RADX: variants seen among roughly 807,000 people sequenced by gnomAD.
RADX encodes RPA1 related single stranded DNA binding protein, X-linked.
A neutral mutation model predicts 61.6 loss-of-function variants in RADX; 36 were observed. The observed-to-expected ratio is 0.58, with a 90% CI of 0.45 to 0.77. RADX has a LOEUF of 0.77. Among genes scored for constraint, RADX ranks in the 30% least tolerant of loss-of-function variants. The pLI, the probability that RADX is intolerant of heterozygous loss-of-function variation, is 0.00. For synonymous variants in RADX, 272 were observed against 237.9 expected, an observed-to-expected ratio of 1.14 and a Z score of -1.32; for missense variants, 497 against 651.1, an observed-to-expected ratio of 0.76 and a Z score of 2.58.
At chrX:106,655,906 G>A (rs775566459) in intron 11 of RADX, among the ~76,000 whole-genome samples, 2 of 111,831 alleles carry the variant, frequency 1.8e-5, no homozygotes, top group East Asian at 5.7e-4. Flanking sequence ...AGATCCCTGA[G>A]GAATCGGCTT....
rs199972514 is a variant in RADX at position 106,669,154 on chromosome X, C to T, written c.2270-9C>T. 138 of 1,197,871 alleles carry T rather than the reference C, an allele frequency of 1.2e-4. 1 individual carries two copies. The highest frequency in any genetic ancestry group is 3.5e-5 in the African/African-American group (2 of 56,922). On this transcript the variant is annotated splice_polypyrimidine_tract_variant and intron_variant, in intron 12 of 13. Transcript: ENST00000372548. ...GAACTTTTAATAATGTGTGAACTTT[C>T]TTTAACAGGTCTGAACCATGAGATA...
At chrX:106,614,853 T>TA (rs1410772568) in intron 1 of RADX, among the ~76,000 whole-genome samples, 1,892 of 104,797 alleles carry the variant, frequency 0.018, 20 homozygotes, top group Non-Finnish European at 0.026. Context: ...TTGTACACAG[T>TA]AAAAAAAAAA....
intron 1 of RADX, among the ~76,000 whole-genome samples, chrX:106,617,020 GTT>G (rs60413185): frequency 0.024 from 1,331 of 54,377 alleles, 11 homozygotes; most frequent in African/African-American, 0.11. Context: ...GTGTGTGTGG[GTT>G]TTTTTTTTTT....
At chrX:106,639,911 G>T (rs1232225649) in intron 9 of RADX, 2 of 213,487 alleles carry the variant, frequency 9.4e-6, no homozygotes, top group Non-Finnish European at 8.5e-6. Flanking sequence ...TTACTTTTTT[G>T]TTTGTTTCCT....
intron 12 of RADX, among the ~76,000 whole-genome samples, chrX:106,664,127 G>C (rs1365574): frequency 9.0e-6 from 1 of 110,622 alleles, no homozygotes; most frequent in East Asian, 2.8e-4. Context: ...TAAAGGAAGC[G>C]CAAAAGTAGG....
chrX:106,630,525 A>G (rs1927191009), intron 3 of RADX, among the ~76,000 whole-genome samples: 1 of 111,504 alleles, frequency 9.0e-6, no homozygotes, highest in East Asian at 2.8e-4. Flanking sequence ...GTGAGAAGAC[A>G]AAATGAATTA....
At chrX:106,656,218 A>G (rs751702427) in intron 11 of RADX, among the ~76,000 whole-genome samples, 37 of 112,399 alleles carry the variant, frequency 3.3e-4, no homozygotes, top group African/African-American at 1.1e-3. Flanking sequence ...CTCTTCGTCC[A>G]TTCAAGTTTT....
chrX:106,672,328 C>G (rs1928385424), intron 13 of RADX, among the ~76,000 whole-genome samples: 1 of 111,817 alleles, frequency 8.9e-6, no homozygotes, highest in Non-Finnish European at 1.9e-5. Context: ...TGGGTAACAG[C>G]TATTCCACTT....
chrX:106,623,243 A>G (rs62603152), intron 2 of RADX, among the ~76,000 whole-genome samples: 21,636 of 110,853 alleles, frequency 0.2, 2,017 homozygotes, highest in Middle Eastern at 0.33. Flanking sequence ...TTCTCAACAC[A>G]GTTAGCTTGG....
intron 12 of RADX, among the ~76,000 whole-genome samples, chrX:106,663,264 C>G (rs1928148163): frequency 9.0e-6 from 1 of 111,420 alleles, no homozygotes; most frequent in African/African-American, 3.3e-5. Context: ...CTTTTATTCT[C>G]TCCCAATCCC....
At chrX:106,635,145 T>C (rs1285431624) in intron 6 of RADX, among the ~76,000 whole-genome samples, 1 of 111,822 alleles carries the variant, frequency 8.9e-6, no homozygotes, top group Non-Finnish European at 1.9e-5. Context: ...TATGACTTTT[T>C]TTTTCATAAG....
chrX:106,655,867 T>A (rs1927928481), intron 11 of RADX, among the ~76,000 whole-genome samples: 2 of 111,901 alleles, frequency 1.8e-5, no homozygotes, highest in Non-Finnish European at 3.8e-5. Context: ...AGAAATGGGA[T>A]GGCTGGGTCA....
At chrX:106,621,587 G>T (rs1343054519) in intron 1 of RADX, among the ~76,000 whole-genome samples, 2 of 111,960 alleles carry the variant, frequency 1.8e-5, no homozygotes, top group African/African-American at 3.2e-5. Context: ...AGCAGTTTTT[G>T]AACTTGCCAG....
chrX:106,632,775 AGT>A (rs1240262439), intron 4 of RADX, 42 bp downstream of exon 4: 2 of 999,303 alleles, frequency 2.0e-6, no homozygotes, highest in African/African-American at 3.8e-5. Flanking sequence ...ATTAATCTTC[AGT>A]CTTGGTTACT....
chrX:106,622,508 A>G (rs1265951384), intron 1 of RADX, 143 bp from the exon 2 acceptor site: 1 of 472,919 alleles, frequency 2.1e-6, no homozygotes, highest in African/African-American at 2.5e-5. Context: ...TATGAGAGGT[A>G]ATAGACTTAG....
chrX:106,629,621 A>G (rs1927161242), intron 3 of RADX, among the ~76,000 whole-genome samples: 1 of 112,036 alleles, frequency 8.9e-6, no homozygotes. Context: ...TTTAGGGAAT[A>G]TATCATTCTA....
At position 106,617,020 on chromosome X, in the gene RADX, GTTTTT is replaced by G. The variant is rs60413185; in HGVS notation, c.643+4317_643+4321del. 9.2e-5 allele frequency among the ~76,000 whole-genome samples: 5 copies of G among 54,541 alleles called. No homozygotes were observed. The East Asian group carries it at 1.9e-3, about 20-fold the overall frequency. The allele number at this position is 54,541 out of a possible 115,157, so 47.4% of individuals were successfully genotyped here. A position where few individuals can be genotyped will look rare whatever the true frequency, so the allele number is the denominator to read the frequency against. ...TTCTTTGTTTTTTTTGTGTGTGTGG[GTTTTT>G]TTTTTTTTTTTTTTTTTTTGACAGA... On this transcript the variant is annotated intron_variant, in intron 1 of 13. Transcript: ENST00000372548.
At chrX:106,612,870 G>A in intron 1 of RADX, 147 bp downstream of exon 1, 1 of 524,027 alleles carries the variant, frequency 1.9e-6, no homozygotes, top group Non-Finnish European at 2.9e-6. Context: ...ATGACCAAGG[G>A]ATGCTCAATG....
At chrX:106,661,895 G>C in intron 11 of RADX, 120 bp from the exon 12 acceptor site, 1 of 541,808 alleles carries the variant, frequency 1.8e-6, no homozygotes, top group Non-Finnish European at 2.8e-6. Context: ...GTAGGTAGTG[G>C]TTTGATTTTT....
Sources: gnomAD v4.1 joint callset for allele counts (sites outside exome capture counted in the v4.1 genomes callset) on GRCh38, gnomAD v4.1.1 for gene constraint, MANE v1.5 for transcripts, NCBI Gene and HGNC (gene_info 2026-07-23, HGNC 2026-07-21) for gene names.